Variants in LPP observed in about 807,000 individuals in gnomAD.
The protein encoded by LPP is LIM domain containing preferred translocation partner in lipoma.
Under a neutral mutation model 60.4 loss-of-function variants are expected in LPP, and 38 were observed. The observed-to-expected ratio is 0.63, with a 90% CI of 0.49 to 0.83. The LOEUF is 0.83. LPP is among the 40% of genes least tolerant of loss of function. The pLI, the probability that LPP is intolerant of heterozygous loss-of-function variation, is 0.00. For synonymous variants in LPP, 328 were observed against 290.8 expected, an observed-to-expected ratio of 1.13 and a Z score of -1.30; for missense variants, 902 against 783.6, an observed-to-expected ratio of 1.15 and a Z score of -1.80.
Position 188,441,609 on chromosome 3 carries a change from C to CTTTTTTTTTTTTTTTTTTTTTTTTTT in LPP, c.193+35300_193+35325dup, listed in dbSNP as rs1004222826. ...ACAGTTTCTTTTTTTCTTTTCTTTT[C>CTTTTTTTTTTTTTTTTTTTTTTTTTT]TTTTTTTTTTTTTTTTTTTTTTTTT... On this transcript the variant is annotated intron_variant, in intron 4 of 11. Transcript: ENST00000617246. Among the ~76,000 whole-genome samples the CTTTTTTTTTTTTTTTTTTTTTTTTTT allele has an allele frequency of 3.2e-4, 18 of 55,654 alleles. 1 individual carries two copies. The highest frequency in any genetic ancestry group is 4.5e-4 in the African/African-American group (6 of 13,344). The allele number at this position is 55,654 out of a possible 152,430, so 36.5% of individuals were successfully genotyped here.
chr3:188,318,979 C>T (rs376860212), intron 2 of LPP, among the ~76,000 whole-genome samples: 2 of 151,646 alleles, frequency 1.3e-5, no homozygotes, highest in Non-Finnish European at 1.5e-5. Flanking sequence ...GGGATGGTCT[C>T]GATCTCCTGA....
chr3:188,206,749 G>A (rs890568465), intron 1 of LPP, among the ~76,000 whole-genome samples: 1 of 152,202 alleles, frequency 6.6e-6, no homozygotes, highest in Non-Finnish European at 1.5e-5. Context: ...TTTGCTATGT[G>A]AAGCAGTTAG....
intron 2 of LPP, among the ~76,000 whole-genome samples, chr3:188,240,718 A>T (rs1278091042): frequency 6.6e-6 from 1 of 152,120 alleles, no homozygotes; most frequent in African/African-American, 2.4e-5. Flanking sequence ...CTTCTTTGGG[A>T]TTCTTCCCTC....
intron 3 of LPP, among the ~76,000 whole-genome samples, chr3:188,367,380 G>A (rs959515738): frequency 6.6e-6 from 1 of 152,098 alleles, no homozygotes; most frequent in Non-Finnish European, 1.5e-5. Context: ...AAATCACTCT[G>A]AGTGTCAAAT....
intron 1 of LPP, among the ~76,000 whole-genome samples, chr3:188,186,842 T>G (rs1269156021): frequency 6.6e-6 from 1 of 152,186 alleles, no homozygotes; most frequent in Non-Finnish European, 1.5e-5. Flanking sequence ...TAAACTTTAT[T>G]TTATGATAGG....
At chr3:188,739,400 G>A (rs1349707345) in intron 8 of LPP, among the ~76,000 whole-genome samples, 1 of 152,074 alleles carries the variant, frequency 6.6e-6, no homozygotes, top group South Asian at 2.1e-4. Flanking sequence ...TGGTGGAAAT[G>A]AATTGCATCC....
At chr3:188,525,230 G>A (rs1023970573) in intron 6 of LPP, among the ~76,000 whole-genome samples, 6 of 152,110 alleles carry the variant, frequency 3.9e-5, no homozygotes, top group Non-Finnish European at 7.4e-5. Context: ...CTCCCAAAGT[G>A]CTGGGATTAC....
intron 9 of LPP, among the ~76,000 whole-genome samples, chr3:188,842,350 G>A (rs115534356): frequency 1.0e-3 from 157 of 152,116 alleles, no homozygotes; most frequent in African/African-American, 3.6e-3. Flanking sequence ...CATATTTTTC[G>A]CCCAATTTTA....
chr3:188,592,581 T>G (rs114142317), intron 6 of LPP, among the ~76,000 whole-genome samples: 24,969 of 71,014 alleles, frequency 0.35, 8,084 homozygotes, highest in South Asian at 0.53. Flanking sequence ...GTCTCACTCT[T>G]TCTCCCAGGC....
intron 6 of LPP, chr3:188,568,499 A>G (rs1256575466): frequency 3.3e-5 from 5 of 151,956 alleles, no homozygotes; most frequent in Admixed American, 6.6e-5. Flanking sequence ...CAATAGTTAT[A>G]CAAAACTGAG....
chr3:188,766,427 A>G (rs984333865), intron 9 of LPP, among the ~76,000 whole-genome samples: 3 of 151,972 alleles, frequency 2.0e-5, no homozygotes, highest in Admixed American at 6.6e-5. Context: ...TGACATTAAC[A>G]TTTGCTCAGT....
At chr3:188,597,063 C>T (rs1213513015) in intron 6 of LPP, among the ~76,000 whole-genome samples, 1 of 152,092 alleles carries the variant, frequency 6.6e-6, no homozygotes, top group African/African-American at 2.4e-5. Context: ...TAAGTCTGAG[C>T]ATTCTGGTGT....
At chr3:188,746,563 G>C in intron 8 of LPP, 1 of 486,522 alleles carries the variant, frequency 2.1e-6, no homozygotes, top group South Asian at 1.5e-5. Context: ...CTCCCTGTGT[G>C]GTATCTCTTG....
chr3:188,695,009 T>C (rs1320376877), intron 7 of LPP, among the ~76,000 whole-genome samples: 2 of 152,198 alleles, frequency 1.3e-5, no homozygotes, highest in Non-Finnish European at 2.9e-5. Flanking sequence ...CTGGAATTGA[T>C]GACTGGATTC....
intron 1 of LPP, among the ~76,000 whole-genome samples, chr3:188,208,613 C>T (rs568027354): frequency 3.3e-4 from 50 of 152,312 alleles, no homozygotes; most frequent in African/African-American, 8.9e-4. Flanking sequence ...CATCGCAGGC[C>T]ACGTTTCCGG....
intron 2 of LPP, among the ~76,000 whole-genome samples, chr3:188,336,891 A>G (rs1324178463): frequency 6.6e-6 from 1 of 152,130 alleles, no homozygotes; most frequent in Non-Finnish European, 1.5e-5. Flanking sequence ...AAGGGACAAT[A>G]TGCCACTTCA....
At chr3:188,865,529 G>A (rs892132709) in intron 9 of LPP, among the ~76,000 whole-genome samples, 1 of 152,196 alleles carries the variant, frequency 6.6e-6, no homozygotes, top group Non-Finnish European at 1.5e-5. Flanking sequence ...AGGGGTCTTA[G>A]TGATCGCACT....
chr3:188,540,498 A>T (rs1025693270), intron 6 of LPP, among the ~76,000 whole-genome samples: 1 of 152,214 alleles, frequency 6.6e-6, no homozygotes, highest in African/African-American at 2.4e-5. Context: ...CTAATTTCAT[A>T]GAGTTTAAGA....
At chr3:188,463,445 T>G (rs1055186902) in intron 4 of LPP, among the ~76,000 whole-genome samples, 4 of 152,088 alleles carry the variant, frequency 2.6e-5, no homozygotes, top group Non-Finnish European at 5.9e-5. Flanking sequence ...GATCCTCAAG[T>G]GATTAACCTA....
Sources: allele counts gnomAD v4.1 joint callset (sites outside exome capture counted in the v4.1 genomes callset), GRCh38; gene constraint gnomAD v4.1.1; transcripts MANE v1.5; gene names NCBI Gene and HGNC (gene_info 2026-07-23, HGNC 2026-07-21).